PRKCSH: variants seen among roughly 807,000 people sequenced by gnomAD.
PRKCSH encodes the protein PRKCSH beta subunit of glucosidase II.
PRKCSH carries 42 observed loss-of-function variants against 79.7 expected under a neutral mutation model. The observed-to-expected ratio is 0.53, with a 90% CI of 0.41 to 0.68. PRKCSH has a LOEUF of 0.68. Ranked by LOEUF, PRKCSH falls within the 30% of genes least tolerant of loss-of-function variation. The pLI is 0.00. For synonymous variants in PRKCSH, 325 were observed against 288.2 expected, an observed-to-expected ratio of 1.13 and a Z score of -1.29; for missense variants, 686 against 709.0, an observed-to-expected ratio of 0.97 and a Z score of 0.37.
intron 8 of PRKCSH, 108 bp downstream of exon 8, chr19:11,445,581 G>T: frequency 8.1e-6 from 9 of 1,105,220 alleles, no homozygotes; most frequent in Non-Finnish European, 1.2e-5. Flanking sequence ...TTCCCCCGGC[G>T]TGGGGTCCAG....
At position 11,438,099 on chromosome 19, in the gene PRKCSH, G is replaced by A. The variant is rs1351089743; in HGVS notation, c.325G>A (p.Gly109Ser). 5.6e-6 allele frequency: 9 copies of A among 1,614,002 alleles called. No individual in the cohort carries two copies. The highest frequency in any genetic ancestry group is 2.7e-5 in the African/African-American group (2 of 74,908). ...CGATGGAACAGACGAGTACAACAGC[G>A]GCGTCATCTGTGAGAACACCTGCAA... The part of the protein sequence containing the change: ...CCDGTDEYNS[G>S]VICENTCKEK... Residue 109 changes from glycine to serine, a missense_variant, in exon 5 of 18, where the codon GGC becomes AGC. Transcript: ENST00000677123.
chr19:11,444,316 C>T (rs961883408), intron 7 of PRKCSH, among the ~76,000 whole-genome samples: 1 of 152,102 alleles, frequency 6.6e-6, no homozygotes, highest in African/African-American at 2.4e-5. Context: ...ATGTTTTGAC[C>T]CAGATTCCCA....
At position 11,447,668 on chromosome 19, in the gene PRKCSH, C is replaced by G; in HGVS notation, c.1030-25C>G. ...GACAGAGAGGGTGGGGGAAGGGCTACTCACTGACCCTGCCCCTGCCCCAGG... is the reference window on the plus strand; with the variant it reads ...GACAGAGAGGGTGGGGGAAGGGCTAGTCACTGACCCTGCCCCTGCCCCAGG... On this transcript the variant is annotated intron_variant, in intron 11 of 17. Coordinates refer to ENST00000677123, the MANE Select transcript of PRKCSH (RefSeq NM_001289104.2). The surrounding 1 kb of genome is among the most constrained non-coding windows in gnomAD (Gnocchi z 5.6). The G allele has an allele frequency of 6.4e-7, 1 of 1,563,670 alleles. No homozygotes were observed. Among genetic ancestry groups the G allele is most frequent in the Non-Finnish European group, 8.7e-7 (1 of 1,153,600 alleles).
intron 6 of PRKCSH, among the ~76,000 whole-genome samples, chr19:11,441,713 T>C (rs543328699): frequency 6.6e-6 from 1 of 152,270 alleles, no homozygotes; most frequent in South Asian, 2.1e-4. Context: ...CCAGTTCTGA[T>C]GTTAGAAAGA....
intron 6 of PRKCSH, among the ~76,000 whole-genome samples, 193 bp downstream of exon 6, chr19:11,441,550 G>A (rs563694082): frequency 1.3e-5 from 2 of 152,194 alleles, no homozygotes; most frequent in Non-Finnish European, 2.9e-5. Context: ...CGAGGGGGAG[G>A]CTGTCAGCTT....
At chr19:11,445,933 G>T (rs1483140958) in intron 8 of PRKCSH, 7 of 503,950 alleles carry the variant, frequency 1.4e-5, no homozygotes, top group South Asian at 8.7e-5. Flanking sequence ...GGGCAAGGGT[G>T]GGGGTGGGCT....
chr19:11,438,635 G>A (rs1279659551), intron 5 of PRKCSH, among the ~76,000 whole-genome samples: 1 of 151,694 alleles, frequency 6.6e-6, no homozygotes, highest in Non-Finnish European at 1.5e-5. Flanking sequence ...GGCGCCTGTA[G>A]TCCCAGCTAC....
intron 7 of PRKCSH, among the ~76,000 whole-genome samples, chr19:11,443,635 G>A (rs577163755): frequency 2.6e-5 from 4 of 152,028 alleles, no homozygotes; most frequent in Admixed American, 6.6e-5. Context: ...GCTGGAACCC[G>A]GGAGACAGAG....
rs1271005471 is a variant in PRKCSH, at chr19:11,448,163, C to T, written c.1127-59C>T. ...GCACACAGCCACATCCATGGAACCC[C>T]GTTCCCCATCCTCCTGGATGGGGTT... is the stretch of plus-strand genomic sequence containing the variant. On this transcript the variant is annotated intron_variant, in intron 12 of 17. Coordinates refer to ENST00000677123, the MANE Select transcript of PRKCSH (RefSeq NM_001289104.2). The surrounding 1 kb of genome is among the most constrained non-coding windows in gnomAD (Gnocchi z 4.4). The T allele has an allele frequency of 8.0e-6, 12 of 1,494,976 alleles. No homozygotes were observed. Among genetic ancestry groups the T allele is most frequent in the Middle Eastern group, 1.7e-4 (1 of 5,914 alleles). 92.6% of individuals were successfully genotyped at this position (1,494,976 alleles called of 1,614,324 possible).
rs998586779 is a variant in PRKCSH at position 11,446,507 on chromosome 19, G to A, written c.762+157G>A. 5.9e-5 allele frequency among the ~76,000 whole-genome samples: 9 copies of A among 152,140 alleles called. 1 individual carries two copies. Among genetic ancestry groups the A allele is most frequent in the African/African-American group, 2.2e-4 (9 of 41,498 alleles). On this transcript the variant is annotated intron_variant, in intron 9 of 17. Coordinates refer to ENST00000677123, the MANE Select transcript of PRKCSH (RefSeq NM_001289104.2). The stretch of plus-strand genomic sequence containing the variant: ...AGCCACTCAGGGCCGCTTCCCGCCT[G>A]GCAGGACCCGGGATGGAGCCAGGTC...
chr19:11,439,289 C>T (rs941322493), intron 5 of PRKCSH, among the ~76,000 whole-genome samples: 17 of 151,998 alleles, frequency 1.1e-4, no homozygotes, highest in Non-Finnish European at 2.5e-4. Flanking sequence ...AAAAATAAGA[C>T]CCGGCTCATG....
chr19:11,447,506 C>T lies in PRKCSH; in HGVS notation c.917C>T (p.Pro306Leu), dbSNP rs753410273. The change falls in exon 11 of 18, where the codon CCA (proline) becomes CTA (leucine). Residue 306 changes from proline (P) to leucine (L), a missense_variant. Transcript: ENST00000677123. This position sits in a 1 kb window ranked among gnomAD's most constrained non-coding sequence, Gnocchi z 5.6. ...ACGGAGCCCAAGGAGGAGCAGCCGCCAGTGCCCTCGTCGCCCACAGAGGAG... is the reference window on the plus strand; with the variant it reads ...ACGGAGCCCAAGGAGGAGCAGCCGCTAGTGCCCTCGTCGCCCACAGAGGAG... ...DLTEPKEEQPPVPSSPTEEEE... is the reference protein window; with the variant it reads ...DLTEPKEEQPLVPSSPTEEEE... 2.5e-6 allele frequency: 4 copies of T among 1,613,422 alleles called. No individual in the cohort carries two copies. Among genetic ancestry groups the T allele is most frequent in the Admixed American group, 3.3e-5 (2 of 59,972 alleles).
At chr19:11,438,944 G>A (rs1969916247) in intron 5 of PRKCSH, among the ~76,000 whole-genome samples, 1 of 151,746 alleles carries the variant, frequency 6.6e-6, no homozygotes, top group Non-Finnish European at 1.5e-5. Context: ...GTCTCACTCT[G>A]TCGCCCAGGC....
At chr19:11,441,509 C>T (rs1172311324) in intron 6 of PRKCSH, 152 bp downstream of exon 6, 23 of 779,280 alleles carry the variant, frequency 3.0e-5, no homozygotes, top group Admixed American at 2.3e-4. Flanking sequence ...GTGTGCTAGG[C>T]GTTTAGTCAT....
chr19:11,446,530 G>A (rs1382294865), intron 9 of PRKCSH, among the ~76,000 whole-genome samples, 180 bp downstream of exon 9: 1 of 151,988 alleles, frequency 6.6e-6, no homozygotes. Context: ...ATGGAGCCAG[G>A]TCGCGCTGGA....
chr19:11,445,391 C>G lies in PRKCSH; in HGVS notation c.601C>G (p.Gln201Glu), dbSNP rs778908037. ...KEQHQKLWEE[Q>E]LAAAKAQQEQ... is the part of the protein sequence containing the mutation. Reference sequence around the variant, plus strand: ...TGACAGAGGTGGCTTCTTTACAGAGCAGCTGGCTGCTGCCAAGGCCCAACA... The same window carrying G: ...TGACAGAGGTGGCTTCTTTACAGAGGAGCTGGCTGCTGCCAAGGCCCAACA... Residue 201 changes from glutamine to glutamate, a missense_variant and splice_region_variant, in exon 8 of 18, where the codon CAG becomes GAG. Gln to Glu is a conservative substitution (Grantham distance 29, BLOSUM62 2). Transcript: ENST00000677123. 2.5e-6 allele frequency: 4 copies of G among 1,613,716 alleles called. No homozygotes were observed. In the South Asian group the frequency reaches 4.4e-5, roughly 18 times the overall value.
chr19:11,439,065 C>T (rs181006367), intron 5 of PRKCSH, among the ~76,000 whole-genome samples: 85 of 152,054 alleles, frequency 5.6e-4, no homozygotes, highest in Middle Eastern at 6.8e-3. Context: ...ACCCCCACCA[C>T]GCCTGGCTAA....
In PRKCSH at chr19:11,435,682, A is replaced by G; in HGVS notation, c.-102A>G. On this transcript the variant is annotated 5_prime_UTR_variant, in exon 1 of 18. Coordinates refer to ENST00000677123, the MANE Select transcript of PRKCSH (RefSeq NM_001289104.2). ...CTGCTGGACAAGAGGGGTGCGGTGGATACTGACCTTTGCTCCGGCCTCGTG... is the reference window on the plus strand; with the variant it reads ...CTGCTGGACAAGAGGGGTGCGGTGGGTACTGACCTTTGCTCCGGCCTCGTG... 1 of 1,306,252 alleles carries G rather than the reference A, an allele frequency of 7.7e-7. No homozygotes were observed. The highest frequency in any genetic ancestry group is 1.2e-5 in the South Asian group (1 of 81,150). 80.9% of individuals were successfully genotyped at this position (1,306,252 alleles called of 1,614,324 possible).
chr19:11,436,095 C>T lies in PRKCSH; in HGVS notation c.-23C>T. On this transcript the variant is annotated 5_prime_UTR_variant, in exon 2 of 18. Coordinates refer to ENST00000677123, the MANE Select transcript of PRKCSH (RefSeq NM_001289104.2). Reference sequence around the variant, plus strand: ...AGGCTTCCTCCCACAGAACCCGTTTCGGGCCTCAGAGCGTCTGGTGAGATG... The same window carrying T: ...AGGCTTCCTCCCACAGAACCCGTTTTGGGCCTCAGAGCGTCTGGTGAGATG... 1 of 1,606,660 alleles carries T rather than the reference C, an allele frequency of 6.2e-7. No individual in the cohort carries two copies. The highest frequency in any genetic ancestry group is 2.2e-5 in the East Asian group (1 of 44,872).
Sources: gnomAD v4.1 joint callset for allele counts (sites outside exome capture counted in the v4.1 genomes callset) on GRCh38, gnomAD v4.1.1 for gene constraint, Gnocchi (gnomAD v3.1) non-coding constraint, MANE v1.5 for transcripts, NCBI Gene and HGNC (gene_info 2026-07-23, HGNC 2026-07-21) for gene names.